Variants in PLCB4 observed in about 807,000 individuals in gnomAD.
The protein encoded by PLCB4 is 1-phosphatidylinositol 4,5-bisphosphate phosphodiesterase beta-4.
PLCB4 carries 77 observed loss-of-function variants against 178.8 expected under a neutral mutation model. The ratio of observed to expected loss-of-function variants is 0.43; its 90% confidence interval spans 0.36 to 0.52. The LOEUF (loss-of-function observed/expected upper bound fraction) is 0.52, where lower values mean the gene tolerates loss of function less well. PLCB4 is among the 20% of genes least tolerant of loss of function. The pLI is 0.00. For synonymous variants in PLCB4, 496 were observed against 490.8 expected (o/e 1.01, Z -0.14); for missense variants, 1,024 against 1,453.4 (o/e 0.70, Z 4.80).
chr20:9,357,611 G>A (rs2034953132), intron 7 of PLCB4, among the ~76,000 whole-genome samples: 1 of 152,176 alleles, frequency 6.6e-6, no homozygotes, highest in Non-Finnish European at 1.5e-5. Context: ...ATTAGGTCAT[G>A]AGTGTGGAGC....
chr20:9,084,380 A>G lies in PLCB4; in HGVS notation c.-134-11907A>G, dbSNP rs529360167. Among the ~76,000 whole-genome samples the G allele has an allele frequency of 2.0e-3, 299 of 152,306 alleles. 2 individuals carry two copies. The highest frequency in any genetic ancestry group is 6.8e-3 in the African/African-American group (283 of 41,568). On this transcript the variant is annotated intron_variant, in intron 1 of 39. Coordinates refer to ENST00000378473, the MANE Select transcript of PLCB4 (RefSeq NM_001377142.1). ...TATTTGTTGAATTTTTCTGCTATCAATGTAAGTCCTGGGGTAATTTTCTAA... is the reference window on the plus strand; with the variant it reads ...TATTTGTTGAATTTTTCTGCTATCAGTGTAAGTCCTGGGGTAATTTTCTAA...
At chr20:9,181,977 A>G (rs914849260) in intron 2 of PLCB4, among the ~76,000 whole-genome samples, 2 of 152,218 alleles carry the variant, frequency 1.3e-5, no homozygotes, top group Non-Finnish European at 2.9e-5. Context: ...TGAGAAAAGG[A>G]AGGGCAAAGT....
intron 3 of PLCB4, among the ~76,000 whole-genome samples, chr20:9,257,715 A>G (rs1601471954): frequency 6.6e-6 from 1 of 152,352 alleles, no homozygotes; most frequent in East Asian, 1.9e-4. Flanking sequence ...GAGATCTTTC[A>G]CTAACAGGAC....
At chr20:9,162,282 T>C (rs1350895457) in intron 2 of PLCB4, among the ~76,000 whole-genome samples, 1 of 152,188 alleles carries the variant, frequency 6.6e-6, no homozygotes, top group Admixed American at 6.5e-5. Flanking sequence ...ATCAAGGGCA[T>C]TATTACATAA....
chr20:9,144,718 GAA>G (rs2092562544), intron 2 of PLCB4, among the ~76,000 whole-genome samples: 2 of 81,656 alleles, frequency 2.4e-5, no homozygotes, highest in African/African-American at 1.0e-4. Context: ...AGAAGGGGAA[GAA>G]GGGGAAGGAG....
At chr20:9,408,152 G>A in intron 22 of PLCB4, 94 bp downstream of exon 22, 1 of 1,059,596 alleles carries the variant, frequency 9.4e-7, no homozygotes, top group Non-Finnish European at 1.4e-6. Flanking sequence ...ATTTTTCTTT[G>A]TGGGCATGGG....
At chr20:9,302,854 CT>C (rs796654636) in intron 3 of PLCB4, among the ~76,000 whole-genome samples, 3,685 of 145,658 alleles carry the variant, frequency 0.025, 139 homozygotes, top group African/African-American at 0.079. Flanking sequence ...CTGTAAAAAG[CT>C]TTTTTTTTTT....
intron 2 of PLCB4, among the ~76,000 whole-genome samples, chr20:9,177,669 G>A (rs2093177372): frequency 6.6e-6 from 1 of 152,190 alleles, no homozygotes; most frequent in Non-Finnish European, 1.5e-5. Flanking sequence ...ACATTGTGTT[G>A]TATGCAAAGA....
intron 25 of PLCB4, among the ~76,000 whole-genome samples, chr20:9,417,947 T>TG (rs2040367020): frequency 6.6e-6 from 1 of 152,208 alleles, no homozygotes; most frequent in Admixed American, 6.5e-5. Context: ...ATTTCTCTGA[T>TG]GACTAATGAT....
intron 4 of PLCB4, among the ~76,000 whole-genome samples, chr20:9,323,869 G>A (rs2029895018): frequency 1.3e-5 from 2 of 152,180 alleles, no homozygotes; most frequent in South Asian, 4.1e-4. Context: ...AATGTTCTCA[G>A]CTGTACTGCA....
rs546104465 is a variant in PLCB4 at position 9,135,007 on chromosome 20, A to G, written c.-79+38665A>G. Among the ~76,000 whole-genome samples the G allele has an allele frequency of 3.3e-3, 501 of 152,216 alleles. 3 individuals are homozygous for G. The highest frequency in any genetic ancestry group is 0.011 in the African/African-American group (463 of 41,546). On this transcript the variant is annotated intron_variant, in intron 2 of 39. Coordinates refer to ENST00000378473, the MANE Select transcript of PLCB4 (RefSeq NM_001377142.1). Reference sequence around the variant, plus strand: ...GAATGGCTCCTTTTGGCAGAAGATAATAGCTTTCAAGGCAAGAATTATAAT... The same window carrying G: ...GAATGGCTCCTTTTGGCAGAAGATAGTAGCTTTCAAGGCAAGAATTATAAT...
chr20:9,084,565 T>G (rs185898754), intron 1 of PLCB4, among the ~76,000 whole-genome samples: 72 of 152,234 alleles, frequency 4.7e-4, no homozygotes, highest in African/African-American at 1.7e-3. Flanking sequence ...TGCATTGTAG[T>G]GTTTTGCTTA....
chr20:9,069,652 GCC>G (rs2089466217), intron 1 of PLCB4, among the ~76,000 whole-genome samples: 1 of 152,140 alleles, frequency 6.6e-6, no homozygotes, highest in Non-Finnish European at 1.5e-5. Context: ...CAGGGTTCGG[GCC>G]TCCTAAAAGC....
intron 2 of PLCB4, among the ~76,000 whole-genome samples, chr20:9,098,242 G>A (rs1402912571): frequency 6.6e-6 from 1 of 152,148 alleles, no homozygotes. Flanking sequence ...GAGCTGTTAA[G>A]TGTGATATAA....
intron 2 of PLCB4, among the ~76,000 whole-genome samples, chr20:9,105,878 T>C (rs757094601): frequency 6.6e-6 from 1 of 152,224 alleles, no homozygotes; most frequent in Non-Finnish European, 1.5e-5. Context: ...TAAATATTTT[T>C]ACAATTTATG....
At position 9,389,859 on chromosome 20, in the gene PLCB4, G is replaced by GT. The variant is rs139716774; in HGVS notation, c.1159-11dup. 0.051 allele frequency: 68,570 copies of GT among 1,357,476 alleles called. 1,343 individuals are homozygous for GT. Among genetic ancestry groups the GT allele is most frequent in the Middle Eastern group, 0.07 (382 of 5,420 alleles). The allele number at this position is 1,357,476 out of a possible 1,614,324, so 84.1% of individuals were successfully genotyped here. A position where few individuals can be genotyped will look rare whatever the true frequency, so the allele number is the denominator to read the frequency against. ...TTTTTTGCTCTTTTCTCTCATTAAC[G>GT]TTTTTTTTTGTTTTTAAAGGATGTA... On this transcript the variant is annotated intron_variant, in intron 15 of 39. Transcript: ENST00000378473.
At chr20:9,382,520 T>C (rs1389810537) in intron 13 of PLCB4, among the ~76,000 whole-genome samples, 1 of 152,240 alleles carries the variant, frequency 6.6e-6, no homozygotes, top group Non-Finnish European at 1.5e-5. Context: ...ACCTTTTTCC[T>C]TGGTCACTTG....
At chr20:9,338,762 T>A (rs1250184777) in intron 6 of PLCB4, 132 bp from the exon 7 acceptor site, 4 of 655,226 alleles carry the variant, frequency 6.1e-6, no homozygotes, top group Non-Finnish European at 1.0e-5. Context: ...CTCTACAGGT[T>A]TTAGAATAAT....
intron 1 of PLCB4, among the ~76,000 whole-genome samples, chr20:9,082,430 C>G (rs1211452685): frequency 6.6e-6 from 1 of 152,122 alleles, no homozygotes; most frequent in Non-Finnish European, 1.5e-5. Context: ...CTTTGACAGT[C>G]TTCACCAGGC....
Sources: allele counts gnomAD v4.1 joint callset (sites outside exome capture counted in the v4.1 genomes callset), GRCh38; gene constraint gnomAD v4.1.1; transcripts MANE v1.5; gene names NCBI Gene and HGNC (gene_info 2026-07-23, HGNC 2026-07-21).